The following CES2 variants were observed in gnomAD, a reference collection of about 807,000 sequenced individuals.
CES2 encodes the protein carboxylesterase 2, also known as cocaine esterase.
CES2 carries 42 observed loss-of-function variants against 52.1 expected under a neutral mutation model. The observed-to-expected ratio is 0.81, with a 90% CI of 0.63 to 1.04. CES2 has a LOEUF of 1.04. Among genes scored for constraint, CES2 ranks in the 50% least tolerant of loss-of-function variants. CES2 has a pLI of 0.00. For missense variants in CES2, 656 were observed against 724.3 expected, an observed-to-expected ratio of 0.91 and a Z score of 1.08; for synonymous variants, 277 against 289.6, an observed-to-expected ratio of 0.96 and a Z score of 0.44.
In CES2 at chr16:66,943,175, C is replaced by A; in HGVS notation, c.1421-124C>A. Reference sequence around the variant, plus strand: ...AAAGGGGAGGGCTGGCTTCTGAGGGCAGTGGAAGAAAAAGCGGAGAAGCAG... The same window carrying A: ...AAAGGGGAGGGCTGGCTTCTGAGGGAAGTGGAAGAAAAAGCGGAGAAGCAG... On this transcript the variant is annotated intron_variant, in intron 10 of 11. Transcript: ENST00000317091. The surrounding 1 kb of genome is among the most constrained non-coding windows in gnomAD (Gnocchi z 4.2). 3.1e-6 allele frequency: 3 copies of A among 954,302 alleles called. No homozygotes were observed. Among genetic ancestry groups the A allele is most frequent in the South Asian group, 1.6e-5 (1 of 63,022 alleles). 59.1% of individuals were successfully genotyped at this position (954,302 alleles called of 1,614,324 possible).
At chr16:66,942,906 T>G (rs1963401005) in intron 10 of CES2, 121 bp downstream of exon 10, 1 of 1,518,046 alleles carries the variant, frequency 6.6e-7, no homozygotes, top group Non-Finnish European at 8.9e-7. Context: ...TGAGATCAGG[T>G]GTCCAAGGTT....
rs779318699 is a variant in CES2 at position 66,943,293 on chromosome 16, T to C, written c.1421-6T>C. On this transcript the variant is annotated splice_region_variant and splice_polypyrimidine_tract_variant and intron_variant, in intron 10 of 11. Transcript: ENST00000317091. This position sits in a 1 kb window ranked among gnomAD's most constrained non-coding sequence, Gnocchi z 4.2. ...ATGAAGACACATGTCCTCTTCCTCT[T>C]GGCAGTTAAATTCACTGAGGAAGAG... The C allele has an allele frequency of 6.2e-7, 1 of 1,613,776 alleles. No homozygotes were observed. Among genetic ancestry groups the C allele is most frequent in the African/African-American group, 1.3e-5 (1 of 74,872 alleles).
Position 66,936,096 on chromosome 16 carries a change from G to C in CES2, c.76+385G>C. The C allele has an allele frequency of 3.2e-6, 3 of 929,824 alleles. No individual in the cohort carries two copies. In the South Asian group the frequency reaches 6.5e-5, roughly 20 times the overall value. The allele number at this position is 929,824 out of a possible 1,614,324, so 57.6% of individuals were successfully genotyped here. A position where few individuals can be genotyped will look rare whatever the true frequency, so the allele number is the denominator to read the frequency against. ...CCGGTAATAACAGTAATAGCTTCTGGCAGCATCTGGCTCTCAGTGTGTGGC... is the reference window on the plus strand; with the variant it reads ...CCGGTAATAACAGTAATAGCTTCTGCCAGCATCTGGCTCTCAGTGTGTGGC... On this transcript the variant is annotated intron_variant, in intron 1 of 11. Transcript: ENST00000317091.
chr16:66,935,930 C>A, intron 1 of CES2: 2 of 1,436,402 alleles, frequency 1.4e-6, no homozygotes, highest in Non-Finnish European at 1.8e-6. Context: ...CGGCAAGGAA[C>A]CAGCGGAGTA....
chr16:66,941,847 T>C lies in CES2; in HGVS notation c.1136T>C (p.Leu379Pro). 6.2e-7 allele frequency: 1 copy of C among 1,614,116 alleles called. No individual in the cohort carries two copies. Among genetic ancestry groups the C allele is most frequent in the Non-Finnish European group, 8.5e-7 (1 of 1,180,014 alleles). The change falls in exon 8 of 12, where the codon CTG becomes CCG. Residue 379 changes from leucine to proline, a missense_variant and splice_region_variant. Leu to Pro is a moderately conservative substitution (Grantham distance 98). Coordinates refer to ENST00000317091, the MANE Select transcript of CES2 (RefSeq NM_001365405.1). ...QAALQKMLTL[L>P]MLPPTFGDLL... ...GCTCTGCAGAAAATGTTAACGCTGC[T>C]GGTAAGGCTCCTGGGGTCCCTCGCC...
intron 3 of CES2, 101 bp from the exon 4 acceptor site, chr16:66,940,121 G>C (rs1963318549): frequency 2.1e-5 from 32 of 1,489,132 alleles, no homozygotes; most frequent in Non-Finnish European, 2.6e-5. Flanking sequence ...GAGATCTAAT[G>C]GGGAGGTAGA....
chr16:66,943,489 C>A lies in CES2; in HGVS notation c.1493+118C>A. The stretch of plus-strand genomic sequence containing the variant: ...CCGCATCCTTCATCACATGATGGCC[C>A]CTTCCCCAGCTCCGGGACCCACTCA... On this transcript the variant is annotated intron_variant, in intron 11 of 11. Transcript: ENST00000317091. The surrounding 1 kb of genome is among the most constrained non-coding windows in gnomAD (Gnocchi z 4.2). 9.6e-7 allele frequency: 1 copy of A among 1,041,978 alleles called. No individual in the cohort carries two copies. 64.5% of individuals were successfully genotyped at this position (1,041,978 alleles called of 1,614,324 possible).
In CES2 at chr16:66,942,776, G is replaced by A; in HGVS notation, c.1411G>A (p.Gly471Ser). The A allele has an allele frequency of 1.2e-6, 2 of 1,614,210 alleles. No individual in the cohort carries two copies. Among genetic ancestry groups the A allele is most frequent in the Non-Finnish European group, 1.7e-6 (2 of 1,180,048 alleles). ...LPFVFRSFFGGNYIKFTEEEE... is the reference protein window; with the variant it reads ...LPFVFRSFFGSNYIKFTEEEE... ...TTTTGTTTTCAGAAGTTTCTTTGGG[G>A]GCAACTACAGTGAGTCTTCTTCCTT... Residue 471 changes from glycine to serine, a missense_variant, in exon 10 of 12, where the codon GGC becomes AGC. Coordinates refer to ENST00000317091, the MANE Select transcript of CES2 (RefSeq NM_001365405.1).
chr16:66,939,100 A>G (rs1447552857), intron 2 of CES2, 117 bp from the exon 3 acceptor site: 4 of 821,666 alleles, frequency 4.9e-6, no homozygotes, highest in Non-Finnish European at 7.9e-6. Flanking sequence ...GAGAGGGATC[A>G]TGTGTGAGCA....
At chr16:66,938,959 A>G (rs913755932) in intron 2 of CES2, among the ~76,000 whole-genome samples, 1 of 152,196 alleles carries the variant, frequency 6.6e-6, no homozygotes, top group African/African-American at 2.4e-5. Flanking sequence ...AACCCCTAAG[A>G]GTCAAGGTTT....
intron 1 of CES2, 22 bp downstream of exon 1, chr16:66,935,733 G>C: frequency 6.3e-7 from 1 of 1,598,996 alleles, no homozygotes; most frequent in South Asian, 1.1e-5. Flanking sequence ...TCGGAGGGGC[G>C]ACAGGGACCG....
chr16:66,939,073 G>A, intron 2 of CES2, 144 bp from the exon 3 acceptor site: 1 of 682,462 alleles, frequency 1.5e-6, no homozygotes, highest in Non-Finnish European at 2.5e-6. Context: ...CCTGTAACTT[G>A]GTGGGAAGGG....
Position 66,942,633 on chromosome 16 carries a change from C to T in CES2, c.1283-15C>T. ...GGGGGAGGGGCCACCGTGTCATGGG[C>T]TGTCCACCCCACAGGTTCCCGGGCC... On this transcript the variant is annotated splice_polypyrimidine_tract_variant and intron_variant, in intron 9 of 11. Transcript: ENST00000317091. 6.2e-7 allele frequency: 1 copy of T among 1,613,982 alleles called. No homozygotes were observed. The highest frequency in any genetic ancestry group is 8.5e-7 in the Non-Finnish European group (1 of 1,179,932).
At chr16:66,934,686 A>C, upstream of CES2, 2 of 303,362 alleles carry the variant, frequency 6.6e-6, no homozygotes, top group Non-Finnish European at 6.1e-6. The surrounding 1 kb of genome is among the most constrained non-coding windows in gnomAD (Gnocchi z 4.1). Context: ...TAATCCCCAC[A>C]CCGCTTCCTC....
chr16:66,942,329 G>A (rs1963387863), intron 9 of CES2, 80 bp downstream of exon 9: 30 of 1,430,680 alleles, frequency 2.1e-5, no homozygotes, highest in South Asian at 8.1e-5. Flanking sequence ...GCTGCTGTCC[G>A]GGTCAGCACT....
rs1234761559 is a variant in CES2, at chr16:66,943,939, GC to G, written c.1597del (p.His533ThrfsTer98). Reference protein sequence around the residue: ...LQPAVGRALKAHRLQFWKKAL... With the variant: ...LQPAVGRALKXHRLQFWKKAL... ...GCCTGCGGTGGGCCGGGCTCTGAAGGCCCACAGGCTCCAGTTCTGGAAGAAG... is the reference window on the plus strand; with the variant it reads ...GCCTGCGGTGGGCCGGGCTCTGAAGGCCACAGGCTCCAGTTCTGGAAGAAG... On this transcript the variant is annotated frameshift_variant, in exon 12 of 12. Transcript: ENST00000317091. LOFTEE classifies it low-confidence loss of function (END_TRUNC). This position sits in a 1 kb window ranked among gnomAD's most constrained non-coding sequence, Gnocchi z 4.2. 6.2e-7 allele frequency: 1 copy of G among 1,609,648 alleles called. No individual in the cohort carries two copies. Among genetic ancestry groups the G allele is most frequent in the Admixed American group, 1.7e-5 (1 of 59,848 alleles).
upstream of CES2, chr16:66,934,528 C>G (rs2145494423): frequency 8.9e-7 from 1 of 1,127,046 alleles, no homozygotes; most frequent in Middle Eastern, 3.0e-4. This position sits in a 1 kb window ranked among gnomAD's most constrained non-coding sequence, Gnocchi z 4.1. Flanking sequence ...GACCGCGGCC[C>G]TGGCTGCTCG....
In CES2 at chr16:66,938,032, C is replaced by T; in HGVS notation, c.77-5C>T. The T allele has an allele frequency of 1.2e-6, 2 of 1,612,410 alleles. No individual in the cohort carries two copies. The highest frequency in any genetic ancestry group is 1.7e-6 in the Non-Finnish European group (2 of 1,178,484). On this transcript the variant is annotated splice_region_variant and splice_polypyrimidine_tract_variant and intron_variant, in intron 1 of 11. Transcript: ENST00000317091. ...CAACCGTGATGTCTGTCTCTCTGCC[C>T]ACAGGCCAGGACTCAGCCAGTCCCA...
Position 66,944,240 on chromosome 16 carries a change from G to A in CES2, c.*215G>A, listed in dbSNP as rs1014152447. On this transcript the variant is annotated 3_prime_UTR_variant, in exon 12 of 12. Transcript: ENST00000317091. The stretch of plus-strand genomic sequence containing the variant: ...TCCCAGCTATTGGGAAGGATGAGAT[G>A]GGAGGATGGCTTGAGGCCAGAGGTT... The A allele has an allele frequency of 3.8e-5, 14 of 370,016 alleles. No individual in the cohort carries two copies. The highest frequency in any genetic ancestry group is 1.9e-4 in the Admixed American group (4 of 21,446). The allele number at this position is 370,016 out of a possible 1,614,324, so 22.9% of individuals were successfully genotyped here. A position where few individuals can be genotyped will look rare whatever the true frequency, so the allele number is the denominator to read the frequency against.
Sources: gnomAD v4.1 joint callset for allele counts (sites outside exome capture counted in the v4.1 genomes callset) on GRCh38, gnomAD v4.1.1 for gene constraint, Gnocchi (gnomAD v3.1) non-coding constraint, MANE v1.5 for transcripts, NCBI Gene and HGNC (gene_info 2026-07-23, HGNC 2026-07-21) for gene names.